The following ZNF605 variants were observed in gnomAD, a reference collection of about 807,000 sequenced individuals.
The protein encoded by ZNF605 is zinc finger protein 605.
In ZNF605, 9 loss-of-function variants were observed where a neutral mutation model predicts 7.9. The observed-to-expected ratio is 1.14, with a 90% CI of 0.68 to 1.98. The LOEUF is 1.98. Ranked by LOEUF, ZNF605 falls within the 30% of genes most tolerant of loss-of-function variation. The probability of loss-of-function intolerance (pLI) is 0.00; values close to 1 mark genes in which losing one functional copy is unlikely to be tolerated. For missense variants in ZNF605, 673 were observed against 762.4 expected (o/e 0.88, Z 1.38); for synonymous variants, 255 against 260.1 (o/e 0.98, Z 0.19).
Position 132,926,890 on chromosome 12 carries a change from G to A in ZNF605, c.409C>T (p.His137Tyr). The stretch of plus-strand genomic sequence containing the variant: ...CAATCACAGTATTTTATCCCACCAT[G>A]GGTTCTGCCAGGTTTGATACAGAAC... Reference protein sequence around the residue: ...LLFCIKPGRTHGGIKYCDCST... With the variant: ...LLFCIKPGRTYGGIKYCDCST... The change falls in exon 5 of 5, where the codon CAT (histidine) becomes TAT (tyrosine). Residue 137 changes from histidine to tyrosine, a missense_variant. His to Tyr is a moderately conservative substitution (Grantham distance 83). Coordinates refer to ENST00000360187, the MANE Select transcript of ZNF605 (RefSeq NM_183238.4). 1 of 1,614,048 alleles carries A rather than the reference G, an allele frequency of 6.2e-7. No individual in the cohort carries two copies. Among genetic ancestry groups the A allele is most frequent in the Admixed American group, 1.7e-5 (1 of 60,000 alleles).
chr12:132,926,981 A>G lies in ZNF605; in HGVS notation c.318T>C (p.Phe106=), dbSNP rs1352053470. Residue 106 remains phenylalanine (F), a synonymous_variant, in exon 5 of 5, where the codon TTT becomes TTC. Transcript: ENST00000360187. ...AATTATTTTTTGGAATAAGCAAATC[A>G]AAAGGACATTTCAAACTTTTTTCTC... ...GTGEKSLKCP[F]DLLIPKNNCE... is the part of the protein sequence containing the mutation. The G allele has an allele frequency of 1.9e-6, 3 of 1,612,594 alleles. No individual in the cohort carries two copies. Among genetic ancestry groups the G allele is most frequent in the African/African-American group, 2.7e-5 (2 of 75,008 alleles).
intron 3 of ZNF605, among the ~76,000 whole-genome samples, chr12:132,935,747 G>C (rs1394828987): frequency 6.6e-6 from 1 of 152,036 alleles, no homozygotes; most frequent in African/African-American, 2.4e-5. Context: ...AAAAAAATTA[G>C]CCGGGCATGG....
intron 3 of ZNF605, among the ~76,000 whole-genome samples, chr12:132,935,306 A>C (rs1246912606): frequency 6.6e-6 from 1 of 152,170 alleles, no homozygotes. Context: ...AAATCAAAGA[A>C]AATCAATTTC....
At chr12:132,937,502 CACACACACACACAG>C (rs1392847944) in intron 3 of ZNF605, among the ~76,000 whole-genome samples, 3 of 149,980 alleles carry the variant, frequency 2.0e-5, no homozygotes, top group East Asian at 1.9e-4. Context: ...TAAAACTAAA[CACACACACACACAG>C]ACACACACAC....
intron 1 of ZNF605, among the ~76,000 whole-genome samples, chr12:132,952,959 C>G (rs751111199): frequency 2.0e-5 from 3 of 151,964 alleles, no homozygotes; most frequent in Non-Finnish European, 2.9e-5. Flanking sequence ...GAGAGGGCCT[C>G]CATCACACAC....
chr12:132,934,679 C>A (rs1213633073), intron 3 of ZNF605, among the ~76,000 whole-genome samples: 3 of 140,404 alleles, frequency 2.1e-5, no homozygotes, highest in African/African-American at 8.0e-5. Flanking sequence ...GCACTCCAGC[C>A]TGGTGACAGA....
intron 3 of ZNF605, among the ~76,000 whole-genome samples, chr12:132,934,277 C>CAAAT (rs57470927): frequency 0.17 from 26,283 of 151,250 alleles, 2,338 homozygotes; most frequent in Admixed American, 0.2. Context: ...GACTCTGTCT[C>CAAAT]AAATAAATAA....
In ZNF605 at chr12:132,935,754, A is replaced by G. The variant is rs1369119594; in HGVS notation, c.16-2599T>C. On this transcript the variant is annotated intron_variant, in intron 3 of 4. Transcript: ENST00000360187. ...AAAAATACAAAAAAATTAGCCGGGCATGGTGGTGGGCGCCTGTAGTCCCAG... is the reference window on the plus strand; with the variant it reads ...AAAAATACAAAAAAATTAGCCGGGCGTGGTGGTGGGCGCCTGTAGTCCCAG... Among the ~76,000 whole-genome samples the G allele has an allele frequency of 3.4e-3, 507 of 150,458 alleles. 2 individuals carry two copies. The highest frequency in any genetic ancestry group is 0.012 in the African/African-American group (473 of 40,886).
At chr12:132,943,128 T>G (rs1352629919) in intron 3 of ZNF605, among the ~76,000 whole-genome samples, 1 of 152,110 alleles carries the variant, frequency 6.6e-6, no homozygotes, top group Middle Eastern at 3.4e-3. Context: ...TTTGGGAGAC[T>G]GAGGTGGGTG....
intron 3 of ZNF605, among the ~76,000 whole-genome samples, chr12:132,939,581 C>T (rs1399205263): frequency 5.3e-5 from 8 of 152,102 alleles, no homozygotes; most frequent in Admixed American, 6.5e-5. Flanking sequence ...TTGTATCTAG[C>T]TCAGGGATTG....
Position 132,941,208 on chromosome 12 carries a change from C to T in ZNF605, c.15+4413G>A, listed in dbSNP as rs1042556427. 2.9e-3 allele frequency among the ~76,000 whole-genome samples: 443 copies of T among 152,174 alleles called. 2 individuals are homozygous for T. Among genetic ancestry groups the T allele is most frequent in the African/African-American group, 0.01 (417 of 41,542 alleles). On this transcript the variant is annotated intron_variant, in intron 3 of 4. Coordinates refer to ENST00000360187, the MANE Select transcript of ZNF605 (RefSeq NM_183238.4). This position sits in a 1 kb window ranked among gnomAD's most constrained non-coding sequence, Gnocchi z 5.1. ...GACCGCCTCATGGAGCCATGAGAAA[C>T]GTCCCACAGAGATGCAGACATGGCC...
At position 132,932,747 on chromosome 12, in the gene ZNF605, T is replaced by C. The variant is rs974993675; in HGVS notation, c.136+288A>G. ...TCTGATTTAGGATTTCTTGACCTATTATCCATGGATCTTGTTGTTCCAGTT... is the reference window on the plus strand; with the variant it reads ...TCTGATTTAGGATTTCTTGACCTATCATCCATGGATCTTGTTGTTCCAGTT... On this transcript the variant is annotated intron_variant, in intron 4 of 4. Coordinates refer to ENST00000360187, the MANE Select transcript of ZNF605 (RefSeq NM_183238.4). The C allele has an allele frequency of 4.6e-6, 7 of 1,536,464 alleles. No homozygotes were observed. The African/African-American group carries it at 9.6e-5, about 21-fold the overall frequency.
rs1047915192 is a variant in ZNF605, at chr12:132,925,001, G to A, written c.*372C>T. The A allele has an allele frequency of 2.3e-5, 4 of 177,072 alleles. No homozygotes were observed. Among genetic ancestry groups the A allele is most frequent in the African/African-American group, 9.5e-5 (4 of 42,112 alleles). 11.0% of individuals were successfully genotyped at this position (177,072 alleles called of 1,614,324 possible). On this transcript the variant is annotated 3_prime_UTR_variant, in exon 5 of 5. Transcript: ENST00000360187. ...ATTATTCTCAAGTGTACAGTGAGTTGTCCTTTCTTGAAATCTTCCACTTTG... is the reference window on the plus strand; with the variant it reads ...ATTATTCTCAAGTGTACAGTGAGTTATCCTTTCTTGAAATCTTCCACTTTG...
chr12:132,926,045 C>A lies in ZNF605; in HGVS notation c.1254G>T (p.Glu418Asp). ...CACATTGAATGCATCCATATGGTTT[C>A]TCTCCTAAGTGAATTTTTTGATGTC... is the stretch of plus-strand genomic sequence containing the variant. ...LIRHQKIHLG[E>D]KPYGCIQCGK... Residue 418 changes from glutamate to aspartate, a missense_variant, in exon 5 of 5, where the codon GAG (glutamate) becomes GAT (aspartate). Coordinates refer to ENST00000360187, the MANE Select transcript of ZNF605 (RefSeq NM_183238.4). 2 of 1,614,210 alleles carry A rather than the reference C, an allele frequency of 1.2e-6. No individual in the cohort carries two copies. The highest frequency in any genetic ancestry group is 1.1e-5 in the South Asian group (1 of 91,090).
chr12:132,935,522 G>A (rs1952354916), intron 3 of ZNF605, among the ~76,000 whole-genome samples: 1 of 152,044 alleles, frequency 6.6e-6, no homozygotes, highest in Non-Finnish European at 1.5e-5. Flanking sequence ...TTTAGAGAAA[G>A]AGATCAAAAT....
At position 132,940,745 on chromosome 12, in the gene ZNF605, A is replaced by T. The variant is rs1033825851; in HGVS notation, c.15+4876T>A. ...GTGGAGACAGGACTTTTTAAAAAAA[A>T]AATAATTTCAACTTTTTCTTTAGAT... On this transcript the variant is annotated intron_variant, in intron 3 of 4. Coordinates refer to ENST00000360187, the MANE Select transcript of ZNF605 (RefSeq NM_183238.4). Among the ~76,000 whole-genome samples, 13 of 152,258 alleles carry T rather than the reference A, an allele frequency of 8.5e-5. No individual in the cohort carries two copies. The East Asian group carries it at 2.5e-3, about 29-fold the overall frequency.
chr12:132,930,838 AT>A (rs1952300924), intron 4 of ZNF605, among the ~76,000 whole-genome samples: 1 of 152,176 alleles, frequency 6.6e-6, no homozygotes, highest in African/African-American at 2.4e-5. Context: ...GTGCCCAGAC[AT>A]CTGTAACCCG....
intron 3 of ZNF605, among the ~76,000 whole-genome samples, chr12:132,938,788 C>T (rs1449419615): frequency 3.3e-5 from 5 of 152,022 alleles, no homozygotes; most frequent in Admixed American, 6.5e-5. Context: ...CTGTGTGCGG[C>T]GCTTGCGGGC....
Position 132,926,352 on chromosome 12 carries a change from T to C in ZNF605, c.947A>G (p.Lys316Arg). The change falls in exon 5 of 5, where the codon AAA becomes AGA. Residue 316 changes from lysine (K) to arginine (R), a missense_variant. Coordinates refer to ENST00000360187, the MANE Select transcript of ZNF605 (RefSeq NM_183238.4). ...EKPYPCSHCG[K>R]AFFWKSQLIT... Reference sequence around the variant, plus strand: ...CAGCTGCGACTTCCAAAAGAAGGCTTTTCCACAGTGACTACATGGATAGGG... The same window carrying C: ...CAGCTGCGACTTCCAAAAGAAGGCTCTTCCACAGTGACTACATGGATAGGG... 1 of 1,614,190 alleles carries C rather than the reference T, an allele frequency of 6.2e-7. No homozygotes were observed. Among genetic ancestry groups the C allele is most frequent in the Non-Finnish European group, 8.5e-7 (1 of 1,180,034 alleles).
Sources: allele counts gnomAD v4.1 joint callset (sites outside exome capture counted in the v4.1 genomes callset), GRCh38; gene constraint gnomAD v4.1.1; non-coding constraint Gnocchi (gnomAD v3.1); transcripts MANE v1.5; gene names NCBI Gene and HGNC (gene_info 2026-07-23, HGNC 2026-07-21).